The following MYO1E variants were observed in gnomAD, a reference collection of about 807,000 sequenced individuals.
MYO1E encodes the protein myosin IE.
Under a neutral mutation model 151.1 loss-of-function variants are expected in MYO1E, and 68 were observed. That is an observed-to-expected ratio of 0.45 (90% CI 0.37 to 0.55). MYO1E has a LOEUF of 0.55. MYO1E is among the 20% of genes least tolerant of loss of function. MYO1E has a pLI of 0.00. For missense variants in MYO1E, 1,363 were observed against 1,389.3 expected (o/e 0.98, Z 0.30); for synonymous variants, 601 against 501.7 (o/e 1.20, Z -2.64).
chr15:59,216,021 TTAAA>T (rs2079911737), intron 10 of MYO1E, among the ~76,000 whole-genome samples: 1 of 152,124 alleles, frequency 6.6e-6, no homozygotes. Flanking sequence ...ATGTTATCCT[TTAAA>T]TAGCCACTAA....
At position 59,320,114 on chromosome 15, in the gene MYO1E, C is replaced by T. The variant is rs190616295; in HGVS notation, c.4-47665G>A. ...TAAAATACTTAGGAATACATCTAAC[C>T]AAGGAGGTGAAAGACAACTATAAGA... On this transcript the variant is annotated intron_variant, in intron 1 of 27. Coordinates refer to ENST00000288235, the MANE Select transcript of MYO1E (RefSeq NM_004998.4). Among the ~76,000 whole-genome samples the T allele has an allele frequency of 2.5e-3, 388 of 152,180 alleles. 2 individuals carry two copies. Among genetic ancestry groups the T allele is most frequent in the African/African-American group, 8.8e-3 (367 of 41,522 alleles).
intron 26 of MYO1E, among the ~76,000 whole-genome samples, chr15:59,143,562 A>C (rs755109103): frequency 6.6e-6 from 1 of 152,170 alleles, no homozygotes; most frequent in African/African-American, 2.4e-5. Flanking sequence ...GCTAGCAGAC[A>C]GGATGTCTTC....
At chr15:59,337,074 T>A (rs372296325) in intron 1 of MYO1E, among the ~76,000 whole-genome samples, 1 of 152,202 alleles carries the variant, frequency 6.6e-6, no homozygotes, top group African/African-American at 2.4e-5. Context: ...AGTTACTGAA[T>A]TGTACAGTTA....
Position 59,217,942 on chromosome 15 carries a change from C to G in MYO1E, c.1056G>C (p.Arg352=). ...TLNVEQACYT[R]DALAKALHAR... is the part of the protein sequence containing the mutation. ...CGTGCAGGGCCTTGGCGAGCGCATC[C>G]CGGGTGTAACAGGCCTGCTCTACGT... The change falls in exon 10 of 28, where the codon CGG becomes CGC. Residue 352 remains arginine (R), a synonymous_variant. Transcript: ENST00000288235. The G allele has an allele frequency of 6.2e-7, 1 of 1,614,198 alleles. No individual in the cohort carries two copies. Among genetic ancestry groups the G allele is most frequent in the Non-Finnish European group, 8.5e-7 (1 of 1,180,032 alleles).
In MYO1E at chr15:59,208,813, C is replaced by T; in HGVS notation, c.1398G>A (p.Val466=). 6.2e-7 allele frequency: 1 copy of T among 1,614,212 alleles called. No homozygotes were observed. The highest frequency in any genetic ancestry group is 8.5e-7 in the Non-Finnish European group (1 of 1,180,050). Residue 466 remains valine (V), a synonymous_variant, in exon 14 of 28, where the codon GTG becomes GTA. Transcript: ENST00000288235. ...CACCCACCGCATGCATCGTGGCGCA[C>T]ACGTCATCCAGGATGCTCATGATGC... The part of the protein sequence containing the change: ...PPGIMSILDD[V]CATMHAVGEG...
intron 16 of MYO1E, among the ~76,000 whole-genome samples, chr15:59,195,869 C>G (rs1406854075): frequency 2.0e-5 from 3 of 152,140 alleles, no homozygotes; most frequent in Non-Finnish European, 2.9e-5. Context: ...TCTTCACATA[C>G]AAAATGATTT....
chr15:59,200,117 G>A (rs931759426), intron 16 of MYO1E, among the ~76,000 whole-genome samples: 11 of 152,068 alleles, frequency 7.2e-5, no homozygotes, highest in African/African-American at 2.2e-4. Flanking sequence ...ACAAGCATAC[G>A]AAGGAAAGAA....
At chr15:59,364,103 C>T (rs1705279870) in intron 1 of MYO1E, among the ~76,000 whole-genome samples, 1 of 152,174 alleles carries the variant, frequency 6.6e-6, no homozygotes, top group African/African-American at 2.4e-5. Context: ...TGTATGCTAA[C>T]CTCCTTTGCC....
chr15:59,158,936 G>A (rs994858740), intron 24 of MYO1E, among the ~76,000 whole-genome samples: 1 of 152,154 alleles, frequency 6.6e-6, no homozygotes, highest in Admixed American at 6.5e-5. Flanking sequence ...GGGGCCAAAG[G>A]AACACACTGT....
At chr15:59,180,035 G>A (rs577633047) in intron 18 of MYO1E, among the ~76,000 whole-genome samples, 1 of 152,314 alleles carries the variant, frequency 6.6e-6, no homozygotes, top group Admixed American at 6.5e-5. Flanking sequence ...AACCTTGAGT[G>A]GCCCTGCCAG....
At chr15:59,341,833 G>A (rs965160955) in intron 1 of MYO1E, among the ~76,000 whole-genome samples, 4 of 152,162 alleles carry the variant, frequency 2.6e-5, no homozygotes, top group African/African-American at 4.8e-5. Context: ...ACATGGGAGT[G>A]CAGCTATCTC....
chr15:59,301,352 A>C (rs16941262), intron 1 of MYO1E, among the ~76,000 whole-genome samples: 51,622 of 152,040 alleles, frequency 0.34, 9,524 homozygotes, highest in African/African-American at 0.48. Context: ...CTTGTAGTCA[A>C]CAAAATTTCC....
intron 1 of MYO1E, among the ~76,000 whole-genome samples, chr15:59,283,437 GC>G (rs1484398581): frequency 6.6e-6 from 1 of 152,016 alleles, no homozygotes; most frequent in Non-Finnish European, 1.5e-5. Context: ...GCATCATCTT[GC>G]TAAGAAGCCT....
At position 59,186,845 on chromosome 15, in the gene MYO1E, A is replaced by T. The variant is rs1488647436; in HGVS notation, c.1904+1273T>A. Among the ~76,000 whole-genome samples the T allele has an allele frequency of 6.6e-5, 10 of 152,382 alleles. No individual in the cohort carries two copies. The East Asian group carries it at 1.9e-3, about 29-fold the overall frequency. ...AGATGTAGAAATACAGTGGAACGCC[A>T]CAGAATCATTAGAGAAGTTAGAGTG... On this transcript the variant is annotated intron_variant, in intron 18 of 27. Transcript: ENST00000288235.
chr15:59,334,507 G>A (rs2080716861), intron 1 of MYO1E, among the ~76,000 whole-genome samples: 1 of 149,568 alleles, frequency 6.7e-6, no homozygotes, highest in Non-Finnish European at 1.5e-5. Flanking sequence ...CATTTTAGAC[G>A]ACTCCTGACA....
intron 4 of MYO1E, among the ~76,000 whole-genome samples, chr15:59,238,099 A>C (rs1229811494): frequency 6.6e-6 from 1 of 152,172 alleles, no homozygotes; most frequent in Non-Finnish European, 1.5e-5. Context: ...AGCAAGTAGA[A>C]AACCAGCAAG....
chr15:59,177,034 A>C (rs1471342717), intron 19 of MYO1E, among the ~76,000 whole-genome samples: 2 of 152,250 alleles, frequency 1.3e-5, no homozygotes, highest in African/African-American at 4.8e-5. Flanking sequence ...TGTTTTAATT[A>C]TATATGAAAA....
chr15:59,248,240 T>C (rs1256714699), intron 4 of MYO1E, among the ~76,000 whole-genome samples: 1 of 151,322 alleles, frequency 6.6e-6, no homozygotes, highest in African/African-American at 2.4e-5. Context: ...TCCTAGCATT[T>C]TGGGCGGCCA....
rs554952558 is a variant in MYO1E, at chr15:59,207,415, G to C, written c.1530+1266C>G. On this transcript the variant is annotated intron_variant, in intron 14 of 27. Transcript: ENST00000288235. ...AAAGGGAGAAACGCGCCTTAATTTAGTCCAGCGAAATGTGGCCATCTTCAA... is the reference window on the plus strand; with the variant it reads ...AAAGGGAGAAACGCGCCTTAATTTACTCCAGCGAAATGTGGCCATCTTCAA... 2.2e-4 allele frequency: 358 copies of C among 1,614,040 alleles called. 4 individuals carry two copies. In the South Asian group the frequency reaches 3.6e-3, roughly 16 times the overall value.
Sources: allele counts gnomAD v4.1 joint callset (sites outside exome capture counted in the v4.1 genomes callset), GRCh38; gene constraint gnomAD v4.1.1; transcripts MANE v1.5; gene names NCBI Gene and HGNC (gene_info 2026-07-23, HGNC 2026-07-21).